TTLL5: variants seen among roughly 807,000 people sequenced by gnomAD.
TTLL5 encodes tubulin polyglutamylase TTLL5.
A neutral mutation model predicts 168.4 loss-of-function variants in TTLL5; 132 were observed. The observed-to-expected ratio is 0.78, with a 90% CI of 0.68 to 0.91. The LOEUF (loss-of-function observed/expected upper bound fraction) is 0.91, where lower values mean the gene tolerates loss of function less well. TTLL5 is among the 40% of genes least tolerant of loss of function. The pLI, the probability that TTLL5 is intolerant of heterozygous loss-of-function variation, is 0.00. For synonymous variants in TTLL5, 546 were observed against 558.6 expected (o/e 0.98, Z 0.32); for missense variants, 1,545 against 1,581.5 (o/e 0.98, Z 0.39).
At position 75,850,383 on chromosome 14, in the gene TTLL5, G is replaced by A. The variant is rs534056896; in HGVS notation, c.3327-13284G>A. 2.2e-4 allele frequency among the ~76,000 whole-genome samples: 28 copies of A among 128,888 alleles called. No individual in the cohort carries two copies. In the South Asian group the frequency reaches 5.4e-3, roughly 25 times the overall value. 84.6% of individuals were successfully genotyped at this position (128,888 alleles called of 152,430 possible). A position where few individuals can be genotyped will look rare whatever the true frequency, so the allele number is the denominator to read the frequency against. On this transcript the variant is annotated intron_variant, in intron 28 of 31. Transcript: ENST00000298832. ...ATCACGCCATTGCACTCCAGCCTGG[G>A]CAGCAAGAGTGAAACTCCGTCTCAA...
chr14:75,669,594 A>G lies in TTLL5; in HGVS notation c.181+72A>G, dbSNP rs1883556743. On this transcript the variant is annotated intron_variant, in intron 3 of 31. Transcript: ENST00000298832. ...ACGTCCTTGTCTTAAAGAAGTTGAT[A>G]TGACATATATATAGGGAAAGGGCCT... 21 of 1,323,850 alleles carry G rather than the reference A, an allele frequency of 1.6e-5. No homozygotes were observed. The South Asian group carries it at 3.0e-4, about 19-fold the overall frequency. 82.0% of individuals were successfully genotyped at this position (1,323,850 alleles called of 1,614,324 possible). A position where few individuals can be genotyped will look rare whatever the true frequency, so the allele number is the denominator to read the frequency against.
intron 31 of TTLL5, among the ~76,000 whole-genome samples, chr14:75,910,260 C>A (rs547904885): frequency 1.9e-3 from 294 of 152,310 alleles, no homozygotes; most frequent in African/African-American, 6.6e-3. Flanking sequence ...ATTACACTTA[C>A]ATTACAGAAG....
At chr14:75,899,293 A>G (rs2032817082) in intron 30 of TTLL5, among the ~76,000 whole-genome samples, 4 of 152,220 alleles carry the variant, frequency 2.6e-5, no homozygotes, top group Admixed American at 2.6e-4. Context: ...AAACACATGT[A>G]TTCCTAGGAA....
At chr14:75,831,544 G>T (rs1257582992) in intron 28 of TTLL5, among the ~76,000 whole-genome samples, 1 of 152,084 alleles carries the variant, frequency 6.6e-6, no homozygotes, top group Non-Finnish European at 1.5e-5. Flanking sequence ...CTGGCTGGAG[G>T]TTCTGACATG....
chr14:75,792,409 TA>T (rs199638323), intron 26 of TTLL5, among the ~76,000 whole-genome samples: 9,318 of 144,478 alleles, frequency 0.064, 518 homozygotes, highest in East Asian at 0.32. Context: ...ACTAAAAATA[TA>T]AAAAAAAAAA....
chr14:75,741,062 G>C (rs888968254), intron 15 of TTLL5, among the ~76,000 whole-genome samples: 1 of 152,154 alleles, frequency 6.6e-6, no homozygotes, highest in African/African-American at 2.4e-5. Flanking sequence ...TTCAACATCT[G>C]TTTCTTACTA....
At chr14:75,860,253 C>G (rs2139930792) in intron 28 of TTLL5, among the ~76,000 whole-genome samples, 1 of 152,306 alleles carries the variant, frequency 6.6e-6, no homozygotes, top group East Asian at 1.9e-4. Flanking sequence ...TATTCACACA[C>G]CTGCAAACCT....
intron 7 of TTLL5, among the ~76,000 whole-genome samples, chr14:75,699,973 G>A (rs1302665172): frequency 1.3e-5 from 2 of 152,058 alleles, no homozygotes; most frequent in Admixed American, 1.3e-4. Flanking sequence ...GGCATTTATT[G>A]CATTTACATC....
chr14:75,902,090 C>G (rs377306133), intron 30 of TTLL5, 52 bp from the exon 31 acceptor site: 146 of 1,557,686 alleles, frequency 9.4e-5, no homozygotes, highest in Middle Eastern at 5.0e-4. Flanking sequence ...AGGTCCTGCA[C>G]CTGACCTCAC....
chr14:75,841,232 A>T (rs1896222910), intron 28 of TTLL5, among the ~76,000 whole-genome samples: 2 of 152,198 alleles, frequency 1.3e-5, no homozygotes, highest in Non-Finnish European at 2.9e-5. Flanking sequence ...TCACCTTCAT[A>T]GTTCTAAATC....
chr14:75,926,013 T>C (rs1330886490), intron 31 of TTLL5, among the ~76,000 whole-genome samples: 2 of 151,448 alleles, frequency 1.3e-5, no homozygotes, highest in East Asian at 3.9e-4. Flanking sequence ...TAGTCCAGCT[T>C]CGCCTTGGCA....
chr14:75,756,701 T>C (rs1444922742), intron 18 of TTLL5, among the ~76,000 whole-genome samples: 1 of 151,926 alleles, frequency 6.6e-6, no homozygotes, highest in African/African-American at 2.4e-5. Flanking sequence ...TAGAGATGGG[T>C]TTCGCCATGT....
At chr14:75,685,550 A>C (rs1039456172) in intron 5 of TTLL5, among the ~76,000 whole-genome samples, 7 of 152,200 alleles carry the variant, frequency 4.6e-5, no homozygotes, top group Admixed American at 4.6e-4. Context: ...CAAGCAAAGA[A>C]GTTTGAAAAC....
chr14:75,783,217 T>G lies in TTLL5; in HGVS notation c.2673T>G (p.Thr891=). 1 of 1,614,200 alleles carries G rather than the reference T, an allele frequency of 6.2e-7. No homozygotes were observed. Among genetic ancestry groups the G allele is most frequent in the Non-Finnish European group, 8.5e-7 (1 of 1,180,048 alleles). ...YSNSSSGPTA[T]LQKIPNTHLS... ...ATTCCTCCTCTGGTCCTACTGCTAC[T>G]CTGCAGAAAATTCCCAACACCCATT... Residue 891 remains threonine, a synonymous_variant, in exon 26 of 32, where the codon ACT becomes ACG. Coordinates refer to ENST00000298832, the MANE Select transcript of TTLL5 (RefSeq NM_015072.5).
chr14:75,930,304 A>C (rs555440294), intron 31 of TTLL5, among the ~76,000 whole-genome samples: 8 of 152,338 alleles, frequency 5.3e-5, no homozygotes, highest in Non-Finnish European at 1.2e-4. Context: ...TTACAAATTC[A>C]TATGTTGACA....
intron 27 of TTLL5, among the ~76,000 whole-genome samples, chr14:75,806,732 C>G (rs1027591880): frequency 3.3e-5 from 5 of 152,172 alleles, no homozygotes; most frequent in African/African-American, 9.7e-5. Context: ...CCTTTGCTGC[C>G]TCAGCACCTG....
At chr14:75,924,576 G>A (rs1050666884) in intron 31 of TTLL5, among the ~76,000 whole-genome samples, 112 of 152,010 alleles carry the variant, frequency 7.4e-4, no homozygotes, top group Non-Finnish European at 1.3e-3. Context: ...CACAGCACAT[G>A]TTTCAGAGAG....
intron 18 of TTLL5, among the ~76,000 whole-genome samples, chr14:75,756,810 A>AT (rs1890290922): frequency 6.6e-6 from 1 of 152,076 alleles, no homozygotes. Flanking sequence ...CTAGCCAGAA[A>AT]TTTTTTAAGA....
intron 29 of TTLL5, among the ~76,000 whole-genome samples, chr14:75,869,013 A>AGTGAGT: frequency 8.0e-6 from 1 of 124,418 alleles, no homozygotes; most frequent in Non-Finnish European, 1.7e-5. Flanking sequence ...AGAGGGGAGG[A>AGTGAGT]GTGTGTGTGT....
Sources: allele counts gnomAD v4.1 joint callset (sites outside exome capture counted in the v4.1 genomes callset), GRCh38; gene constraint gnomAD v4.1.1; transcripts MANE v1.5; gene names NCBI Gene and HGNC (gene_info 2026-07-23, HGNC 2026-07-21).